RGS12: variants seen among roughly 807,000 people sequenced by gnomAD.
The protein encoded by RGS12 is regulator of G protein signaling 12, also known as regulator of G-protein signaling 12.
A neutral mutation model predicts 120.1 loss-of-function variants in RGS12; 66 were observed. The ratio of observed to expected loss-of-function variants is 0.55; its 90% CI spans 0.45 to 0.67. The LOEUF (loss-of-function observed/expected upper bound fraction) is 0.67. RGS12 is among the 30% of genes least tolerant of loss of function. The pLI is 0.00. For synonymous variants in RGS12, 827 were observed against 804.7 expected, an observed-to-expected ratio of 1.03 and a Z score of -0.47; for missense variants, 1,859 against 1,957.7, an observed-to-expected ratio of 0.95 and a Z score of 0.95.
In RGS12 at chr4:3,417,287, T is replaced by C; in HGVS notation, c.2608-101T>C. 3 of 1,366,820 alleles carry C rather than the reference T, an allele frequency of 2.2e-6. No individual in the cohort carries two copies. The African/African-American group carries it at 4.4e-5, about 20-fold the overall frequency. 84.7% of individuals were successfully genotyped at this position (1,366,820 alleles called of 1,614,324 possible). A position where few individuals can be genotyped will look rare whatever the true frequency, so the allele number is the denominator to read the frequency against. On this transcript the variant is annotated intron_variant, in intron 8 of 17. Transcript: ENST00000336727. ...GACCTGTAGAAGTGATACCATCCCA[T>C]AGAGTGCTTGTGTTTACAGCTCAGT...
chr4:3,415,890 T>G, intron 6 of RGS12, 88 bp from the exon 7 acceptor site: 2 of 1,430,650 alleles, frequency 1.4e-6, no homozygotes, highest in Non-Finnish European at 9.5e-7. Context: ...AACACATCTG[T>G]AGAGCCCGGG....
chr4:3,401,394 A>G (rs1720565047), intron 4 of RGS12, among the ~76,000 whole-genome samples: 1 of 152,240 alleles, frequency 6.6e-6, no homozygotes, highest in Non-Finnish European at 1.5e-5. Flanking sequence ...GGGACAAGCA[A>G]TCCACTTAGT....
chr4:3,425,548 T>G lies in RGS12; in HGVS notation c.3319T>G (p.Ser1107Ala). ...QRVVLEEKDP[S>A]RGKASADKQK... ...GGTTGTCTTGGAGGAGAAGGATCCT[T>G]CCAGAGGAAAGGGTGAGTAGGGCTG... The change falls in exon 14 of 18, where the codon TCC (serine) becomes GCC (alanine). Residue 1107 changes from serine (S) to alanine (A), a missense_variant. This residue lies in a region of RGS12 where 517 missense variants were observed against 488.5 expected (regional missense o/e 1.06). Transcript: ENST00000336727. 6.2e-7 allele frequency: 1 copy of G among 1,603,566 alleles called. No homozygotes were observed. Among genetic ancestry groups the G allele is most frequent in the South Asian group, 1.1e-5 (1 of 90,652 alleles).
At chr4:3,309,603 G>A (rs1724211805) in intron 1 of RGS12, among the ~76,000 whole-genome samples, 1 of 133,146 alleles carries the variant, frequency 7.5e-6, no homozygotes, top group Non-Finnish European at 1.6e-5. Flanking sequence ...AGGAGGAGCT[G>A]GGACCTGGGA....
intron 4 of RGS12, among the ~76,000 whole-genome samples, chr4:3,409,290 C>G (rs1247794278): frequency 6.6e-6 from 1 of 152,220 alleles, no homozygotes; most frequent in Non-Finnish European, 1.5e-5. Flanking sequence ...GCGGGCACAC[C>G]AGGCACAGGG....
chr4:3,286,290 G>A, the RGS12 span, among the ~76,000 whole-genome samples: 1 of 152,190 alleles, frequency 6.6e-6, no homozygotes, highest in Non-Finnish European at 1.5e-5. Flanking sequence ...GACACACTGA[G>A]GAAGCCTTTC....
chr4:3,428,570 A>C lies in RGS12; in HGVS notation c.3424A>C (p.Thr1142Pro). ...CCTTCTAATGCAGGGAGAGGAAAGA[A>C]CACTAGGCAAGTCTAATTCTATTAA... ...RNHSATGEER[T>P]LGKSNSIKIK... Residue 1142 changes from threonine to proline, a missense_variant, in exon 16 of 18, where the codon ACA (threonine) becomes CCA (proline). Coordinates refer to ENST00000336727, the MANE Select transcript of RGS12 (RefSeq NM_001394154.1). 4 of 1,589,252 alleles carry C rather than the reference A, an allele frequency of 2.5e-6. No homozygotes were observed. Among genetic ancestry groups the C allele is most frequent in the Non-Finnish European group, 3.4e-6 (4 of 1,172,892 alleles).
chr4:3,428,380 T>C (rs1400764995), intron 15 of RGS12, 178 bp from the exon 16 acceptor site: 1 of 761,908 alleles, frequency 1.3e-6, no homozygotes, highest in South Asian at 1.7e-5. Context: ...TGGGAGTGGT[T>C]GTGCCTTAAA....
intron 3 of RGS12, among the ~76,000 whole-genome samples, chr4:3,384,554 C>T (rs936116194): frequency 2.6e-5 from 4 of 152,224 alleles, no homozygotes; most frequent in South Asian, 2.1e-4. Context: ...GCATCTGTGA[C>T]GTGGCTGCCC....
intron 2 of RGS12, among the ~76,000 whole-genome samples, chr4:3,318,403 GC>G (rs1724954085): frequency 6.6e-6 from 1 of 152,158 alleles, no homozygotes; most frequent in African/African-American, 2.4e-5. Context: ...TGTCCCTGTG[GC>G]TCCTTGAAGC....
chr4:3,368,365 G>T (rs1439214519), intron 3 of RGS12, among the ~76,000 whole-genome samples: 1 of 150,688 alleles, frequency 6.6e-6, no homozygotes. Flanking sequence ...ACCTGTGTGT[G>T]TGCGTGCCTG....
intron 3 of RGS12, among the ~76,000 whole-genome samples, chr4:3,380,453 A>T (rs1219584283): frequency 6.6e-6 from 1 of 151,858 alleles, no homozygotes; most frequent in Admixed American, 6.6e-5. Context: ...CCCAGTGGGG[A>T]CTCTGTGTGG....
intron 3 of RGS12, among the ~76,000 whole-genome samples, chr4:3,369,210 G>C (rs986888235): frequency 6.6e-6 from 1 of 152,210 alleles, no homozygotes; most frequent in Non-Finnish European, 1.5e-5. Flanking sequence ...CCACACTTTT[G>C]TTACGTGCAC....
chr4:3,360,635 T>C (rs145646555), intron 3 of RGS12, among the ~76,000 whole-genome samples: 47 of 152,326 alleles, frequency 3.1e-4, no homozygotes, highest in African/African-American at 1.1e-3. Flanking sequence ...GTTACAGATA[T>C]ATCTTCATGA....
At chr4:3,395,071 T>C (rs889086017) in intron 4 of RGS12, among the ~76,000 whole-genome samples, 2 of 152,082 alleles carry the variant, frequency 1.3e-5, no homozygotes, top group Non-Finnish European at 2.9e-5. Context: ...CGCATGCCTG[T>C]AATCCCAGCT....
chr4:3,382,642 T>C (rs888037002), intron 3 of RGS12, among the ~76,000 whole-genome samples: 11 of 151,838 alleles, frequency 7.2e-5, no homozygotes, highest in Admixed American at 1.3e-4. Context: ...AGTTCTCTGC[T>C]GCTCTCTCTC....
At position 3,428,567 on chromosome 4, in the gene RGS12, A is replaced by G. The variant is rs1189680285; in HGVS notation, c.3421A>G (p.Arg1141Gly). The G allele has an allele frequency of 6.3e-7, 1 of 1,584,930 alleles. No individual in the cohort carries two copies. The highest frequency in any genetic ancestry group is 8.5e-7 in the Non-Finnish European group (1 of 1,171,348). ...SRNHSATGEE[R>G]TLGKSNSIKI... ...TTTCCTTCTAATGCAGGGAGAGGAAAGAACACTAGGCAAGTCTAATTCTAT... is the reference window on the plus strand; with the variant it reads ...TTTCCTTCTAATGCAGGGAGAGGAAGGAACACTAGGCAAGTCTAATTCTAT... Residue 1141 changes from arginine to glycine, a missense_variant, in exon 16 of 18, where the codon AGA becomes GGA. By Grantham distance (125) the Arg-to-Gly change is moderately radical (BLOSUM62 -2). Transcript: ENST00000336727.
chr4:3,343,020 A>T lies in RGS12; in HGVS notation c.1965A>T (p.Arg655Ser). Reference protein sequence around the residue: ...SARRSFGRSKRFSITRSLDDL... With the variant: ...SARRSFGRSKSFSITRSLDDL... ...GGAGATCATTTGGGAGATCCAAGAGATTCAGTATCACTCGCTCCCTTGATG... is the reference window on the plus strand; with the variant it reads ...GGAGATCATTTGGGAGATCCAAGAGTTTCAGTATCACTCGCTCCCTTGATG... Residue 655 changes from arginine (R) to serine (S), a missense_variant, in exon 3 of 18, where the codon AGA (arginine) becomes AGT (serine). Arg to Ser is a moderately radical substitution (Grantham distance 110). Around this residue, in one of 3 missense-constraint regions of RGS12, gnomAD observed 967 missense variants for 994.2 expected, o/e 0.97. Transcript: ENST00000336727. 6.2e-7 allele frequency: 1 copy of T among 1,612,936 alleles called. No individual in the cohort carries two copies. Among genetic ancestry groups the T allele is most frequent in the Non-Finnish European group, 8.5e-7 (1 of 1,179,142 alleles).
In RGS12 at chr4:3,374,737, G is replaced by A. The variant is rs993994187; in HGVS notation, c.1999-11679G>A. On this transcript the variant is annotated intron_variant, in intron 3 of 17. Coordinates refer to ENST00000336727, the MANE Select transcript of RGS12 (RefSeq NM_001394154.1). The surrounding 1 kb of genome is among the most constrained non-coding windows in gnomAD (Gnocchi z 6.3). ...ACCCCCATTGCTGCAGCCTGCCCTC[G>A]TCCCCATCTCTTGCCTGGAGCACCA... is the stretch of plus-strand genomic sequence containing the variant. Among the ~76,000 whole-genome samples the A allele has an allele frequency of 2.6e-5, 4 of 151,940 alleles. No individual in the cohort carries two copies. The highest frequency in any genetic ancestry group is 3.4e-3 in the Middle Eastern group (1 of 294).
Sources: gnomAD v4.1 joint callset for allele counts (sites outside exome capture counted in the v4.1 genomes callset) on GRCh38, gnomAD v4.1.1 for gene constraint, gnomAD v4.1.1 regional missense constraint, Gnocchi (gnomAD v3.1) non-coding constraint, MANE v1.5 for transcripts, NCBI Gene and HGNC (gene_info 2026-07-23, HGNC 2026-07-21) for gene names.